Variants in ZC3H3 observed in about 807,000 individuals in gnomAD.
ZC3H3 encodes the protein zinc finger CCCH-type containing 3.
Under a neutral mutation model 77.3 loss-of-function variants are expected in ZC3H3, and 36 were observed. The observed-to-expected ratio is 0.47, with a 90% confidence interval of 0.36 to 0.61. The LOEUF (loss-of-function observed/expected upper bound fraction) is 0.61. ZC3H3 is among the 20% of genes least tolerant of loss of function. The pLI is 0.00. For missense variants in ZC3H3, 1,331 were observed against 1,312.2 expected (o/e 1.01, Z -0.22); for synonymous variants, 626 against 555.2 (o/e 1.13, Z -1.79).
rs1819632247 is a variant in ZC3H3 at position 143,438,102 on chromosome 8, C to T, written c.2816-15G>A. Reference sequence around the variant, plus strand: ...CAGAGGCTTCCCTATGCAAAGAGGGCAAAAGTTAGGTGCCCGGAAACCCCT... The same window carrying T: ...CAGAGGCTTCCCTATGCAAAGAGGGTAAAAGTTAGGTGCCCGGAAACCCCT... On this transcript the variant is annotated splice_polypyrimidine_tract_variant and intron_variant, in intron 11 of 11. Transcript: ENST00000262577. 1.2e-6 allele frequency: 2 copies of T among 1,607,298 alleles called. No homozygotes were observed. The highest frequency in any genetic ancestry group is 1.3e-5 in the African/African-American group (1 of 74,850).
At chr8:143,448,402 AT>A (rs1819911442) in intron 9 of ZC3H3, among the ~76,000 whole-genome samples, 1 of 152,248 alleles carries the variant, frequency 6.6e-6, no homozygotes, top group Non-Finnish European at 1.5e-5. Flanking sequence ...AGGCATAGGT[AT>A]TGGGTAAATA....
intron 4 of ZC3H3, among the ~76,000 whole-genome samples, chr8:143,500,537 A>G (rs1821492939): frequency 6.6e-6 from 1 of 152,236 alleles, no homozygotes; most frequent in Non-Finnish European, 1.5e-5. Context: ...GCTATAACAG[A>G]ATACCACAGC....
chr8:143,505,135 G>A (rs1041733471), intron 4 of ZC3H3, among the ~76,000 whole-genome samples: 1 of 152,184 alleles, frequency 6.6e-6, no homozygotes. Flanking sequence ...TTCCAGGACT[G>A]CTGGGGCTTG....
At chr8:143,474,185 C>T (rs975216716) in intron 5 of ZC3H3, among the ~76,000 whole-genome samples, 1 of 152,054 alleles carries the variant, frequency 6.6e-6, no homozygotes, top group African/African-American at 2.4e-5. Flanking sequence ...GGTGGGGAAG[C>T]GGAGGCACAC....
intron 3 of ZC3H3, among the ~76,000 whole-genome samples, chr8:143,517,503 G>A (rs1822097877): frequency 6.6e-6 from 1 of 152,204 alleles, no homozygotes. Context: ...GCGAAGGACA[G>A]CTGGGCTTGG....
chr8:143,534,525 G>C (rs981623688), intron 3 of ZC3H3, among the ~76,000 whole-genome samples: 1 of 152,138 alleles, frequency 6.6e-6, no homozygotes, highest in Non-Finnish European at 1.5e-5. Context: ...GGCCAGGTGA[G>C]CAGGGCTGAA....
At chr8:143,524,654 C>T (rs976552864) in intron 3 of ZC3H3, among the ~76,000 whole-genome samples, 2 of 152,284 alleles carry the variant, frequency 1.3e-5, no homozygotes, top group African/African-American at 4.8e-5. Flanking sequence ...GCTTCAGGCA[C>T]ACACCTGACA....
intron 9 of ZC3H3, among the ~76,000 whole-genome samples, chr8:143,457,071 C>T (rs1171793879): frequency 1.3e-5 from 2 of 152,140 alleles, no homozygotes; most frequent in African/African-American, 4.8e-5. Context: ...ATATAGAGAA[C>T]TCAAAAGCAC....
At chr8:143,489,482 G>A (rs1185222380) in intron 4 of ZC3H3, among the ~76,000 whole-genome samples, 1 of 152,084 alleles carries the variant, frequency 6.6e-6, no homozygotes, top group Non-Finnish European at 1.5e-5. Context: ...GCCTGGCCCC[G>A]CCCACCGCCC....
chr8:143,521,656 C>G (rs577603348), intron 3 of ZC3H3, among the ~76,000 whole-genome samples: 3 of 152,320 alleles, frequency 2.0e-5, no homozygotes, highest in East Asian at 1.9e-4. Context: ...GCAGCCTCCC[C>G]GCACCGCCTT....
rs763314535 is a variant in ZC3H3 at position 143,538,452 on chromosome 8, C to T, written c.915G>A (p.Lys305=). The T allele has an allele frequency of 3.1e-6, 5 of 1,613,166 alleles. No individual in the cohort carries two copies. The Admixed American group carries it at 6.7e-5, about 21-fold the overall frequency. The change falls in exon 2 of 12, where the codon AAG becomes AAA. Residue 305 remains lysine, a synonymous_variant. Transcript: ENST00000262577. The part of the protein sequence containing the change: ...ASLVVTCRTN[K]FRKNNYKWVA... ...CCCATTTGTAGTTGTTTTTCCGGAA[C>T]TTGTTAGTTCGACAGGTCACAACCA... is the stretch of plus-strand genomic sequence containing the variant.
At chr8:143,455,834 G>A (rs761040038) in intron 9 of ZC3H3, among the ~76,000 whole-genome samples, 16 of 151,778 alleles carry the variant, frequency 1.1e-4, no homozygotes, top group Admixed American at 3.9e-4. Context: ...TTAGTCAGGC[G>A]TGGTGGTACA....
chr8:143,514,154 C>A (rs1013331472), intron 3 of ZC3H3, among the ~76,000 whole-genome samples: 1 of 152,152 alleles, frequency 6.6e-6, no homozygotes, highest in African/African-American at 2.4e-5. Context: ...GGTAGGCAGA[C>A]CCCAGGGGCC....
intron 9 of ZC3H3, among the ~76,000 whole-genome samples, chr8:143,455,667 C>T (rs1483406368): frequency 6.6e-6 from 1 of 152,014 alleles, no homozygotes; most frequent in African/African-American, 2.4e-5. Flanking sequence ...GTGTGATAAA[C>T]GTTTAGTTAA....
chr8:143,453,191 A>G (rs1294634858), intron 9 of ZC3H3, among the ~76,000 whole-genome samples: 1 of 151,990 alleles, frequency 6.6e-6, no homozygotes, highest in South Asian at 2.1e-4. Flanking sequence ...AATCCTCCCA[A>G]CTCAGCCACC....
At position 143,493,811 on chromosome 8, in the gene ZC3H3, G is replaced by A. The variant is rs1821270698; in HGVS notation, c.1715+13935C>T. Among the ~76,000 whole-genome samples the A allele has an allele frequency of 6.6e-6, 1 of 152,092 alleles. No individual in the cohort carries two copies. The highest frequency in any genetic ancestry group is 1.5e-5 in the Non-Finnish European group (1 of 68,032). ...GGGATCGGTAAGCATAATTTCAGAG[G>A]CCAGTAATATTTTATATAATCGCCG... On this transcript the variant is annotated intron_variant, in intron 4 of 11. Coordinates refer to ENST00000262577, the MANE Select transcript of ZC3H3 (RefSeq NM_015117.3). The surrounding 1 kb of genome is among the most constrained non-coding windows in gnomAD (Gnocchi z 4.8).
At chr8:143,480,996 C>T (rs372398782) in intron 4 of ZC3H3, among the ~76,000 whole-genome samples, 2 of 152,348 alleles carry the variant, frequency 1.3e-5, no homozygotes, top group African/African-American at 4.8e-5. Context: ...CACAGACAGG[C>T]AGCTTTTAAG....
intron 8 of ZC3H3, 45 bp from the exon 9 acceptor site, chr8:143,465,893 C>T: frequency 6.3e-7 from 1 of 1,589,340 alleles, no homozygotes; most frequent in Non-Finnish European, 8.5e-7. Flanking sequence ...AGCCACCCTC[C>T]AGGGCCCAGA....
At chr8:143,536,213 G>A (rs1250149346) in intron 3 of ZC3H3, 44 bp downstream of exon 3, 2 of 1,578,000 alleles carry the variant, frequency 1.3e-6, no homozygotes, top group Non-Finnish European at 1.7e-6. Flanking sequence ...TATCCCATCA[G>A]GCAGGCCCAG....
Sources: allele counts gnomAD v4.1 joint callset (sites outside exome capture counted in the v4.1 genomes callset), GRCh38; gene constraint gnomAD v4.1.1; non-coding constraint Gnocchi (gnomAD v3.1); transcripts MANE v1.5; gene names NCBI Gene and HGNC (gene_info 2026-07-23, HGNC 2026-07-21).